Variants in TP53I13 observed in about 807,000 individuals in gnomAD.
TP53I13 encodes the protein tumor protein p53-inducible protein 13.
In TP53I13, 27 loss-of-function variants were observed where a neutral mutation model predicts 39.1. That is an observed-to-expected ratio of 0.69 (90% CI 0.51 to 0.95). TP53I13 has a LOEUF of 0.95. Ranked by LOEUF, TP53I13 falls within the 40% of genes least tolerant of loss-of-function variation. TP53I13 has a pLI of 0.00. For missense variants in TP53I13, 544 were observed against 520.4 expected (o/e 1.05, Z -0.44); for synonymous variants, 230 against 224.6 (o/e 1.02, Z -0.22).
chr17:29,566,843 G>A, upstream of TP53I13: 1 of 1,513,160 alleles, frequency 6.6e-7, no homozygotes. Context: ...TCTCGGTCTT[G>A]GGCCCCCGGC....
chr17:29,572,503 G>T lies in TP53I13; in HGVS notation c.875G>T (p.Arg292Leu), dbSNP rs2032986444. ...VCSSQASPAP[R>L]AAAPPRAARG... ...TCAAGTCAGGCTTCCCCGGCCCCTC[G>T]CGCAGCAGCGCCTCCACGGGCAGCC... is the stretch of plus-strand genomic sequence containing the variant. Residue 292 changes from arginine (R) to leucine (L), a missense_variant, in exon 6 of 7, where the codon CGC becomes CTC. Arg to Leu is a moderately radical substitution (Grantham distance 102). Coordinates refer to ENST00000301057, the MANE Select transcript of TP53I13 (RefSeq NM_138349.4). 6.2e-7 allele frequency: 1 copy of T among 1,604,914 alleles called. No individual in the cohort carries two copies. The highest frequency in any genetic ancestry group is 1.3e-5 in the African/African-American group (1 of 74,846).
chr17:29,581,237 C>T, the TP53I13 span: 2 of 830,358 alleles, frequency 2.4e-6, no homozygotes, highest in African/African-American at 1.7e-5. This position sits in a 1 kb window ranked among gnomAD's most constrained non-coding sequence, Gnocchi z 4.8. Flanking sequence ...GGGGAGGGAG[C>T]AGGGTCCTAG....
chr17:29,569,626 G>T (rs534929654), intron 3 of TP53I13: 7 of 379,484 alleles, frequency 1.8e-5, no homozygotes, highest in Admixed American at 8.1e-5. Context: ...ACAAGTGGCT[G>T]TGAGTGGAAC....
rs2032806838 is a variant in TP53I13, at chr17:29,568,802, C to A, written c.44C>A (p.Ala15Asp). ...PPSPQLLLLA[A>D]LARLLGPSEV... ...TCGCCCCAACTGCTTCTCCTGGCAG[C>A]CCTCGCGAGGCTCCTGGGTCCCAGC... Residue 15 changes from alanine (A) to aspartate (D), a missense_variant, in exon 1 of 7, where the codon GCC (alanine) becomes GAC (aspartate). Ala to Asp is a moderately radical substitution (Grantham distance 126, BLOSUM62 -2). Transcript: ENST00000301057. This position sits in a 1 kb window ranked among gnomAD's most constrained non-coding sequence, Gnocchi z 4.5. 1.3e-6 allele frequency: 2 copies of A among 1,598,652 alleles called. No homozygotes were observed. The highest frequency in any genetic ancestry group is 1.7e-6 in the Non-Finnish European group (2 of 1,179,340).
At position 29,571,990 on chromosome 17, in the gene TP53I13, T is replaced by C. The variant is rs2032950046; in HGVS notation, c.446T>C (p.Leu149Pro). 2 of 1,612,986 alleles carry C rather than the reference T, an allele frequency of 1.2e-6. No homozygotes were observed. Among genetic ancestry groups the C allele is most frequent in the South Asian group, 1.1e-5 (1 of 91,080 alleles). Residue 149 changes from leucine (L) to proline (P), a missense_variant, in exon 5 of 7, where the codon CTT becomes CCT. Coordinates refer to ENST00000301057, the MANE Select transcript of TP53I13 (RefSeq NM_138349.4). ...KKKAWIYCES[L>P]SGPAPSEPTP... is the part of the protein sequence containing the mutation. ...AAGGCATGGATCTACTGTGAAAGCC[T>C]TTCAGGGCCTGCTCCCTCCGAGCCA... is the stretch of plus-strand genomic sequence containing the variant.
downstream of TP53I13, chr17:29,573,171 C>CTTGT (rs1290829489): frequency 5.3e-6 from 2 of 380,614 alleles, no homozygotes; most frequent in African/African-American, 4.3e-5. Context: ...TGGAGTTGAG[C>CTTGT]TTGTGCATCT....
downstream of TP53I13, chr17:29,575,997 C>G: frequency 3.2e-6 from 5 of 1,557,384 alleles, no homozygotes; most frequent in Non-Finnish European, 4.4e-6. The surrounding 1 kb of genome is among the most constrained non-coding windows in gnomAD (Gnocchi z 5.5). Flanking sequence ...TCATCTTAAG[C>G]CCCGAATTCA....
chr17:29,570,305 C>T (rs1280085729), intron 3 of TP53I13: 3 of 149,014 alleles, frequency 2.0e-5, no homozygotes, highest in East Asian at 2.1e-4. Context: ...GTCAGGAGTT[C>T]AAGACCAGCT....
the TP53I13 span, chr17:29,581,692 C>CA: frequency 6.8e-7 from 1 of 1,469,418 alleles, no homozygotes; most frequent in African/African-American, 1.4e-5. This position sits in a 1 kb window ranked among gnomAD's most constrained non-coding sequence, Gnocchi z 4.8. Flanking sequence ...CCCACCTGCC[C>CA]AGCCCCAGCC....
At chr17:29,582,338 C>T in the TP53I13 span, among the ~76,000 whole-genome samples, 1 of 152,274 alleles carries the variant, frequency 6.6e-6, no homozygotes, top group Non-Finnish European at 1.5e-5. Flanking sequence ...CAGTCACCAT[C>T]TACCACGTGT....
At chr17:29,571,786 G>A (rs939289909) in intron 4 of TP53I13, 67 bp downstream of exon 4, 1 of 1,613,354 alleles carries the variant, frequency 6.2e-7, no homozygotes, top group African/African-American at 1.3e-5. Context: ...TGCAGGGAAT[G>A]GAAAATTCAA....
At chr17:29,576,680 G>C, downstream of TP53I13, 1 of 1,613,808 alleles carries the variant, frequency 6.2e-7, no homozygotes. Flanking sequence ...ATGCTCTGCA[G>C]AGAGAGACCT....
At chr17:29,575,430 C>A, downstream of TP53I13, 1 of 1,612,594 alleles carries the variant, frequency 6.2e-7, no homozygotes, top group Non-Finnish European at 8.5e-7. The surrounding 1 kb of genome is among the most constrained non-coding windows in gnomAD (Gnocchi z 5.5). Context: ...GGGTGGAAGT[C>A]TTCCTCTTTG....
chr17:29,569,668 C>A (rs1190010791), intron 3 of TP53I13: 1 of 326,560 alleles, frequency 3.1e-6, no homozygotes, highest in African/African-American at 2.1e-5. Flanking sequence ...AAAACCCAGG[C>A]TCCAGCTCCC....
Position 29,572,990 on chromosome 17 carries a change from C to T in TP53I13, c.*66C>T, listed in dbSNP as rs2033025396. On this transcript the variant is annotated 3_prime_UTR_variant, in exon 7 of 7. Coordinates refer to ENST00000301057, the MANE Select transcript of TP53I13 (RefSeq NM_138349.4). The stretch of plus-strand genomic sequence containing the variant: ...CGCCGCGAGGCCGCGACCTCTGCCA[C>T]GTGGACCGCGCGCGGGGCGCTCCCT... 3.2e-6 allele frequency: 4 copies of T among 1,256,958 alleles called. No homozygotes were observed. The highest frequency in any genetic ancestry group is 3.2e-5 in the East Asian group (1 of 31,464). The allele number at this position is 1,256,958 out of a possible 1,614,324, so 77.9% of individuals were successfully genotyped here.
downstream of TP53I13, chr17:29,575,158 A>T (rs768114997): frequency 8.8e-6 from 14 of 1,589,470 alleles, no homozygotes; most frequent in South Asian, 1.6e-4. The surrounding 1 kb of genome is among the most constrained non-coding windows in gnomAD (Gnocchi z 5.5). Context: ...GGGAGAAGGG[A>T]GGCTATAAAG....
upstream of TP53I13, chr17:29,566,748 A>T: frequency 6.4e-7 from 1 of 1,551,574 alleles, no homozygotes; most frequent in Non-Finnish European, 8.7e-7. Flanking sequence ...ACGGCTTGCA[A>T]ACAAGGCTGC....
At chr17:29,567,561 G>A (rs1308926397), upstream of TP53I13, 1 of 152,162 alleles carries the variant, frequency 6.6e-6, no homozygotes, top group African/African-American at 2.4e-5. The surrounding 1 kb of genome is among the most constrained non-coding windows in gnomAD (Gnocchi z 6.6). Context: ...CACTGGGCTA[G>A]AGAGGTCGAG....
rs1185399567 is a variant in TP53I13 at position 29,572,901 on chromosome 17, C to G, written c.1159C>G (p.Pro387Ala). The change falls in exon 7 of 7, where the codon CCG (proline) becomes GCG (alanine). Residue 387 changes from proline to alanine, a missense_variant. Pro to Ala is a conservative substitution (Grantham distance 27, BLOSUM62 -1). Coordinates refer to ENST00000301057, the MANE Select transcript of TP53I13 (RefSeq NM_138349.4). ...PLLPPTPDSGPEGESSE is the reference protein window; with the variant it reads ...PLLPPTPDSGAEGESSE ...CCTCCCGCCCACGCCGGACAGCGGC[C>G]CGGAAGGCGAGAGCTCGGAGTGACG... The G allele has an allele frequency of 6.6e-7, 1 of 1,509,006 alleles. No homozygotes were observed. Among genetic ancestry groups the G allele is most frequent in the African/African-American group, 1.4e-5 (1 of 69,776 alleles). 93.5% of individuals were successfully genotyped at this position (1,509,006 alleles called of 1,614,324 possible).
Sources: gnomAD v4.1 joint callset for allele counts (sites outside exome capture counted in the v4.1 genomes callset) on GRCh38, gnomAD v4.1.1 for gene constraint, Gnocchi (gnomAD v3.1) non-coding constraint, MANE v1.5 for transcripts, NCBI Gene and HGNC (gene_info 2026-07-23, HGNC 2026-07-21) for gene names.